TRHDE: variants seen among roughly 807,000 people sequenced by gnomAD.
The protein encoded by TRHDE is thyrotropin releasing hormone degrading enzyme.
A neutral mutation model predicts 125.7 loss-of-function variants in TRHDE; 72 were observed. That is an observed-to-expected ratio of 0.57 (90% CI 0.47 to 0.70). The LOEUF (loss-of-function observed/expected upper bound fraction) is 0.70, where lower values mean the gene tolerates loss of function less well. Ranked by LOEUF, TRHDE falls within the 30% of genes least tolerant of loss-of-function variation. The pLI is 0.00. For synonymous variants in TRHDE, 509 were observed against 509.1 expected (o/e 1.00, Z 0.00); for missense variants, 1,110 against 1,327.1 (o/e 0.84, Z 2.54).
rs1395793111 is a variant in TRHDE at position 72,516,440 on chromosome 12, CTGTT to C, written c.1722+16809_1722+16812del. On this transcript the variant is annotated intron_variant, in intron 6 of 18. Transcript: ENST00000261180. Reference sequence around the variant, plus strand: ...GGGAATTCACTCATGATTTGGCTCTCTGTTTGTCTGTTATTGGTGTATAAGAATG... The same window carrying C: ...GGGAATTCACTCATGATTTGGCTCTCTGTCTGTTATTGGTGTATAAGAATG... Among the ~76,000 whole-genome samples, 8 of 152,020 alleles carry C rather than the reference CTGTT, an allele frequency of 5.3e-5. No homozygotes were observed. In the East Asian group the frequency reaches 1.2e-3, roughly 22 times the overall value.
intron 7 of TRHDE, among the ~76,000 whole-genome samples, chr12:72,558,699 GA>G (rs1198115995): frequency 2.6e-5 from 4 of 152,144 alleles, no homozygotes; most frequent in African/African-American, 9.7e-5. Context: ...GGGAAAGTGG[GA>G]ATCTTGGAGT....
chr12:72,306,507 C>T (rs1006492894), intron 2 of TRHDE, among the ~76,000 whole-genome samples: 4 of 151,982 alleles, frequency 2.6e-5, no homozygotes, highest in Admixed American at 1.3e-4. Flanking sequence ...TTAAACAGCT[C>T]GGCAACAGTA....
At chr12:72,488,951 A>G (rs1877535089) in intron 5 of TRHDE, among the ~76,000 whole-genome samples, 1 of 151,780 alleles carries the variant, frequency 6.6e-6, no homozygotes, top group Non-Finnish European at 1.5e-5. Context: ...TACTGAGACA[A>G]ATGACAATGA....
chr12:72,662,718 CCAT>C (rs1039571747), intron 18 of TRHDE, among the ~76,000 whole-genome samples: 6 of 152,012 alleles, frequency 3.9e-5, no homozygotes, highest in African/African-American at 1.4e-4. Context: ...TGCCACAATC[CCAT>C]CAACTGATTT....
intron 2 of TRHDE, among the ~76,000 whole-genome samples, chr12:72,293,198 G>GTT (rs551447909): frequency 2.8e-5 from 4 of 144,364 alleles, no homozygotes; most frequent in Non-Finnish European, 3.1e-5. Flanking sequence ...GGGAATATTT[G>GTT]TTTTTTTTTT....
In TRHDE at chr12:72,183,624, T is replaced by C. The variant is rs186576248; in HGVS notation, n.279+77872T>C. Reference sequence around the variant, plus strand: ...GTAATTTCATATGCATCAACTTCATTAAGCACCATAATAGTGTTAATGGCT... The same window carrying C: ...GTAATTTCATATGCATCAACTTCATCAAGCACCATAATAGTGTTAATGGCT... On this transcript the variant is annotated intron_variant and non_coding_transcript_variant, in intron 2 of 4. Coordinates refer to the TRHDE transcript ENST00000548156. Among the ~76,000 whole-genome samples, 206 of 152,342 alleles carry C rather than the reference T, an allele frequency of 1.4e-3. 2 individuals carry two copies. The highest frequency in any genetic ancestry group is 4.5e-3 in the African/African-American group (189 of 41,578).
chr12:72,346,462 T>C (rs1482715405), intron 2 of TRHDE, among the ~76,000 whole-genome samples: 1 of 113,978 alleles, frequency 8.8e-6, no homozygotes, highest in East Asian at 2.6e-4. Flanking sequence ...TGTCTGCCCA[T>C]GTGGTGTGCT....
Position 72,580,313 on chromosome 12 carries a change from T to C in TRHDE, c.2321+4771T>C, listed in dbSNP as rs73353850. ...CAGTCTGGCACTGTTTTCACACTTA[T>C]ATATTATAAATTTCAATGCTTGCAG... On this transcript the variant is annotated intron_variant, in intron 12 of 18. Transcript: ENST00000261180. 2.4e-3 allele frequency among the ~76,000 whole-genome samples: 364 copies of C among 152,354 alleles called. 2 individuals are homozygous for C. The highest frequency in any genetic ancestry group is 8.5e-3 in the African/African-American group (353 of 41,592).
chr12:72,617,513 C>A (rs1260740276), intron 12 of TRHDE, among the ~76,000 whole-genome samples: 1 of 152,084 alleles, frequency 6.6e-6, no homozygotes, highest in Non-Finnish European at 1.5e-5. Flanking sequence ...TACAAAGGTC[C>A]ATCTAATTTT....
intron 3 of TRHDE, among the ~76,000 whole-genome samples, chr12:72,418,234 TGTGTTCAATTTTA>T (rs946303308): frequency 9.2e-5 from 14 of 152,164 alleles, no homozygotes; most frequent in African/African-American, 3.4e-4. Context: ...TTTCTCTTTT[TGTGTTCAATTTTA>T]GTGGCAGAAT....
At chr12:72,277,676 A>G in intron 1 of TRHDE, among the ~76,000 whole-genome samples, 1 of 152,048 alleles carries the variant, frequency 6.6e-6, no homozygotes, top group East Asian at 1.9e-4. Flanking sequence ...TATCTAGACA[A>G]TGTTTACTAA....
intron 6 of TRHDE, among the ~76,000 whole-genome samples, chr12:72,539,391 A>G (rs959665547): frequency 3.9e-5 from 6 of 151,904 alleles, no homozygotes; most frequent in African/African-American, 1.2e-4. Flanking sequence ...ACTGAAGTAT[A>G]CCAGTGAGGC....
chr12:72,598,733 T>C (rs914234113), intron 12 of TRHDE, among the ~76,000 whole-genome samples: 1 of 152,174 alleles, frequency 6.6e-6, no homozygotes, highest in Non-Finnish European at 1.5e-5. Flanking sequence ...TTTTTAAATT[T>C]CAACTTTTTT....
intron 10 of TRHDE, among the ~76,000 whole-genome samples, chr12:72,574,284 G>A (rs1250349628): frequency 6.6e-6 from 1 of 152,032 alleles, no homozygotes; most frequent in Non-Finnish European, 1.5e-5. Flanking sequence ...AGAAGCTTAT[G>A]GTTTCTGTGA....
rs148596442 is a variant in TRHDE at position 72,324,205 on chromosome 12, G to A, written c.1188+37251G>A. On this transcript the variant is annotated intron_variant, in intron 2 of 18. Transcript: ENST00000261180. The stretch of plus-strand genomic sequence containing the variant: ...AGTACCTACTAGGTACTTTTTATTG[G>A]TTAACATCAATTTAAAACTGACAGG... Among the ~76,000 whole-genome samples, 178 of 152,106 alleles carry A rather than the reference G, an allele frequency of 1.2e-3. 1 individual carries two copies. The highest frequency in any genetic ancestry group is 3.9e-3 in the African/African-American group (163 of 41,502).
intron 2 of TRHDE, among the ~76,000 whole-genome samples, chr12:72,368,089 T>C (rs554689749): frequency 1.3e-5 from 2 of 152,294 alleles, no homozygotes; most frequent in South Asian, 2.1e-4. Flanking sequence ...CTACCACAAT[T>C]CATTTTTAAA....
chr12:72,598,186 C>A (rs1872059535), intron 12 of TRHDE, among the ~76,000 whole-genome samples: 1 of 152,038 alleles, frequency 6.6e-6, no homozygotes, highest in African/African-American at 2.4e-5. Flanking sequence ...TAGTTAGAAT[C>A]AACATTTTAT....
At chr12:72,374,714 G>A (rs115431873) in intron 2 of TRHDE, among the ~76,000 whole-genome samples, 1,923 of 152,252 alleles carry the variant, frequency 0.013, 39 homozygotes, top group African/African-American at 0.041. Context: ...GACAGCTGAA[G>A]CATGTTGAAG....
intron 3 of TRHDE, among the ~76,000 whole-genome samples, chr12:72,457,772 A>AATAATTT (rs1875930591): frequency 6.6e-6 from 1 of 152,172 alleles, no homozygotes; most frequent in South Asian, 2.1e-4. Flanking sequence ...AGCCTACATA[A>AATAATTT]ATAATTTCTT....
Sources: gnomAD v4.1 joint callset for allele counts (sites outside exome capture counted in the v4.1 genomes callset) on GRCh38, gnomAD v4.1.1 for gene constraint, MANE v1.5 for transcripts, NCBI Gene and HGNC (gene_info 2026-07-23, HGNC 2026-07-21) for gene names.